Variants in AGBL1 observed in about 807,000 individuals in gnomAD.
The protein encoded by AGBL1 is cytosolic carboxypeptidase 4.
Under a neutral mutation model 118.9 loss-of-function variants are expected in AGBL1, and 130 were observed. The ratio of observed to expected loss-of-function variants is 1.09; its 90% confidence interval spans 0.95 to 1.26. The LOEUF is 1.26. AGBL1 is among the 50% of genes most tolerant of loss of function. The pLI, the probability that AGBL1 is intolerant of heterozygous loss-of-function variation, is 0.00. For synonymous variants in AGBL1, 555 were observed against 478.9 expected (o/e 1.16, Z -2.08); for missense variants, 1,584 against 1,298.1 (o/e 1.22, Z -3.38).
chr15:86,345,763 A>G (rs773613299), intron 17 of AGBL1, among the ~76,000 whole-genome samples: 4 of 152,232 alleles, frequency 2.6e-5, no homozygotes, highest in Non-Finnish European at 5.9e-5. Flanking sequence ...GAATAGATGG[A>G]TAGATCATCC....
intron 22 of AGBL1, among the ~76,000 whole-genome samples, chr15:86,879,671 G>A (rs187045783): frequency 1.3e-5 from 2 of 152,104 alleles, no homozygotes; most frequent in Non-Finnish European, 2.9e-5. Flanking sequence ...CTTTCCTTTG[G>A]CTTGATGTTC....
chr15:86,713,389 C>G (rs918762286), intron 22 of AGBL1, among the ~76,000 whole-genome samples: 1 of 152,112 alleles, frequency 6.6e-6, no homozygotes, highest in African/African-American at 2.4e-5. Context: ...CTAAAATATA[C>G]AAATCCATAT....
chr15:86,514,889 T>G (rs1479368445), intron 18 of AGBL1, among the ~76,000 whole-genome samples: 2 of 152,210 alleles, frequency 1.3e-5, no homozygotes, highest in East Asian at 3.8e-4. Context: ...TTGTAAAAGT[T>G]ATATTTCATT....
At chr15:86,449,213 A>G (rs2082163235) in intron 18 of AGBL1, among the ~76,000 whole-genome samples, 1 of 152,198 alleles carries the variant, frequency 6.6e-6, no homozygotes, top group African/African-American at 2.4e-5. Context: ...AACGGCCACA[A>G]CAGTGATAAC....
At chr15:86,610,139 TCTC>T (rs2084636845) in intron 21 of AGBL1, among the ~76,000 whole-genome samples, 1 of 152,194 alleles carries the variant, frequency 6.6e-6, no homozygotes, top group Non-Finnish European at 1.5e-5. Flanking sequence ...AAAAAGGTGA[TCTC>T]CTCTTTCTGT....
intron 1 of AGBL1, among the ~76,000 whole-genome samples, chr15:86,095,443 A>G (rs766764502): frequency 3.3e-5 from 5 of 152,042 alleles, no homozygotes; most frequent in African/African-American, 9.7e-5. Flanking sequence ...TCTCATTAGC[A>G]TACAAAAAGA....
At chr15:86,683,962 G>A (rs543834063) in intron 22 of AGBL1, among the ~76,000 whole-genome samples, 13 of 152,034 alleles carry the variant, frequency 8.6e-5, no homozygotes, top group Non-Finnish European at 1.8e-4. Context: ...AGTACCCTGT[G>A]ACACCTATGG....
Position 86,507,982 on chromosome 15 carries a change from T to C in AGBL1, c.2556-14828T>C, listed in dbSNP as rs1416158360. ...AGTTGATGCTCCTTCCTTCTTTGTT[T>C]AGGAAGCCTAAAAGTGATTTGCCTT... On this transcript the variant is annotated intron_variant, in intron 18 of 22. Coordinates refer to ENST00000614907, the MANE Select transcript of AGBL1 (RefSeq NM_001386094.1). 6.6e-5 allele frequency among the ~76,000 whole-genome samples: 10 copies of C among 151,178 alleles called. No homozygotes were observed. The East Asian group carries it at 1.9e-3, about 29-fold the overall frequency.
At chr15:86,835,891 T>C (rs1399078897) in intron 22 of AGBL1, among the ~76,000 whole-genome samples, 1 of 152,172 alleles carries the variant, frequency 6.6e-6, no homozygotes. Flanking sequence ...CATTGGCTCC[T>C]ATCAAGAAAA....
intron 23 of AGBL1, among the ~76,000 whole-genome samples, chr15:86,954,730 T>C (rs1264390010): frequency 6.6e-6 from 1 of 152,140 alleles, no homozygotes; most frequent in Non-Finnish European, 1.5e-5. Context: ...CAAGATCCAT[T>C]CCACAACCTC....
At chr15:86,968,611 G>T (rs2081077377) in intron 23 of AGBL1, among the ~76,000 whole-genome samples, 1 of 151,838 alleles carries the variant, frequency 6.6e-6, no homozygotes, top group African/African-American at 2.4e-5. Flanking sequence ...ATCTTACCCT[G>T]GCATAAAAAT....
At chr15:86,701,501 G>T (rs1472507837) in intron 22 of AGBL1, among the ~76,000 whole-genome samples, 2 of 152,092 alleles carry the variant, frequency 1.3e-5, no homozygotes, top group African/African-American at 4.8e-5. Context: ...GGTAAATCAA[G>T]ATTAAATTGT....
intron 22 of AGBL1, among the ~76,000 whole-genome samples, chr15:86,814,064 C>CCCTA (rs2078827132): frequency 6.6e-6 from 1 of 152,100 alleles, no homozygotes; most frequent in South Asian, 2.1e-4. Context: ...GGTTCCCAAC[C>CCCTA]CCTACGCTGT....
intron 18 of AGBL1, among the ~76,000 whole-genome samples, chr15:86,507,896 A>C (rs1386466639): frequency 6.6e-6 from 1 of 152,096 alleles, no homozygotes; most frequent in Non-Finnish European, 1.5e-5. Context: ...GATGACTATA[A>C]GGTATTTGAC....
chr15:86,689,007 C>CT (rs1288036251), intron 22 of AGBL1, among the ~76,000 whole-genome samples: 1 of 152,114 alleles, frequency 6.6e-6, no homozygotes, highest in Non-Finnish European at 1.5e-5. Context: ...CAGCATAATA[C>CT]TTTTGCGAAT....
intron 21 of AGBL1, among the ~76,000 whole-genome samples, chr15:86,650,521 C>A (rs1369147494): frequency 6.6e-6 from 1 of 152,158 alleles, no homozygotes; most frequent in Non-Finnish European, 1.5e-5. Flanking sequence ...CATCTGATAA[C>A]ACGAAAGTCC....
chr15:86,608,410 A>C (rs1264009769), intron 21 of AGBL1, among the ~76,000 whole-genome samples: 2 of 152,238 alleles, frequency 1.3e-5, no homozygotes, highest in Non-Finnish European at 2.9e-5. Flanking sequence ...ATGCAAGAGC[A>C]AGCAAGAATA....
intron 7 of AGBL1, among the ~76,000 whole-genome samples, 178 bp downstream of exon 7, chr15:86,248,057 C>T (rs1471166810): frequency 6.6e-6 from 1 of 152,214 alleles, no homozygotes; most frequent in Non-Finnish European, 1.5e-5. Flanking sequence ...GTGGTTCACT[C>T]CTGTAATCTC....
chr15:86,458,066 C>T (rs923381287), intron 18 of AGBL1, among the ~76,000 whole-genome samples: 2 of 102,850 alleles, frequency 1.9e-5, no homozygotes, highest in Non-Finnish European at 1.9e-5. Flanking sequence ...ACACTGTCCC[C>T]GTATATTGCC....
Sources: allele counts gnomAD v4.1 joint callset (sites outside exome capture counted in the v4.1 genomes callset), GRCh38; gene constraint gnomAD v4.1.1; transcripts MANE v1.5; gene names NCBI Gene and HGNC (gene_info 2026-07-23, HGNC 2026-07-21).